The following DHRSX variants were observed in gnomAD, a reference collection of about 807,000 sequenced individuals.
DHRSX encodes polyprenol dehydrogenase.
DHRSX carries 31 observed loss-of-function variants against 34.0 expected under a neutral mutation model. The ratio of observed to expected loss-of-function variants is 0.91; its 90% CI spans 0.69 to 1.23. The LOEUF (loss-of-function observed/expected upper bound fraction) is 1.23, where lower values mean the gene tolerates loss of function less well. Among genes scored for constraint, DHRSX ranks in the 50% most tolerant of loss-of-function variants. The pLI is 0.00. For missense variants in DHRSX, 414 were observed against 428.1 expected (o/e 0.97, Z 0.29); for synonymous variants, 201 against 183.8 (o/e 1.09, Z -0.76).
At chrX:2,288,360 C>T (rs1397963355) in intron 4 of DHRSX, among the ~76,000 whole-genome samples, 2 of 152,068 alleles carry the variant, frequency 1.3e-5, no homozygotes, top group African/African-American at 2.4e-5. Flanking sequence ...CTCAGCCTCC[C>T]GAGTAGCTGG....
chrX:2,296,344 G>A (rs2041931253), intron 3 of DHRSX, among the ~76,000 whole-genome samples: 1 of 152,188 alleles, frequency 6.6e-6, no homozygotes, highest in African/African-American at 2.4e-5. Flanking sequence ...CCCAGAGGGA[G>A]GGGAGGGAAG....
intron 3 of DHRSX, among the ~76,000 whole-genome samples, chrX:2,310,341 C>T: frequency 6.6e-6 from 1 of 152,248 alleles, no homozygotes. Context: ...GATTGGTTGT[C>T]ACCCCCTGCG....
chrX:2,413,251 G>T (rs1324842107), intron 2 of DHRSX, among the ~76,000 whole-genome samples: 1 of 152,100 alleles, frequency 6.6e-6, no homozygotes, highest in Admixed American at 6.6e-5. Flanking sequence ...TGCTAGGGGG[G>T]TGGGTTGCTG....
chrX:2,344,864 A>C (rs1225891157), intron 3 of DHRSX, among the ~76,000 whole-genome samples: 1 of 120,376 alleles, frequency 8.3e-6, no homozygotes, highest in East Asian at 2.6e-4. Flanking sequence ...AAAGTATATA[A>C]AAAGAAGCAT....
chrX:2,470,107 G>A (rs1355566055), intron 1 of DHRSX, among the ~76,000 whole-genome samples: 2 of 151,178 alleles, frequency 1.3e-5, no homozygotes, highest in East Asian at 3.9e-4. Context: ...ACATGGATGG[G>A]ACTGGAAGAT....
chrX:2,354,615 C>A (rs1354115139), intron 3 of DHRSX, among the ~76,000 whole-genome samples: 2 of 152,186 alleles, frequency 1.3e-5, no homozygotes, highest in Non-Finnish European at 2.9e-5. Flanking sequence ...GCACCCACCA[C>A]CACGCCTGGC....
At chrX:2,252,388 A>C (rs1005083586) in intron 5 of DHRSX, among the ~76,000 whole-genome samples, 1 of 152,120 alleles carries the variant, frequency 6.6e-6, no homozygotes, top group Admixed American at 6.6e-5. Flanking sequence ...AACTTCTCCA[A>C]TCTCCTCACC....
At chrX:2,307,801 A>C (rs1184200602) in intron 3 of DHRSX, among the ~76,000 whole-genome samples, 1 of 149,182 alleles carries the variant, frequency 6.7e-6, no homozygotes, top group Non-Finnish European at 1.5e-5. Context: ...AAAAAAATAA[A>C]ATAAAAAACA....
At chrX:2,364,455 T>A (rs1041143452) in intron 3 of DHRSX, among the ~76,000 whole-genome samples, 6 of 152,198 alleles carry the variant, frequency 3.9e-5, no homozygotes, top group Non-Finnish European at 1.5e-5. Flanking sequence ...ACAGATTGTA[T>A]GCATATGTGA....
At chrX:2,222,353 T>A (rs1437270678) in intron 6 of DHRSX, among the ~76,000 whole-genome samples, 1 of 152,232 alleles carries the variant, frequency 6.6e-6, no homozygotes, top group Admixed American at 6.5e-5. Context: ...TCCAACCTCC[T>A]AATGACATGG....
intron 2 of DHRSX, among the ~76,000 whole-genome samples, chrX:2,415,493 AC>A (rs1339791481): frequency 7.9e-5 from 12 of 152,054 alleles, no homozygotes; most frequent in Non-Finnish European, 1.3e-4. Context: ...TCTCATCATG[AC>A]CAACCAACTA....
chrX:2,249,484 T>G (rs1384639589), intron 5 of DHRSX, among the ~76,000 whole-genome samples: 1 of 145,258 alleles, frequency 6.9e-6, no homozygotes, highest in Non-Finnish European at 1.5e-5. Context: ...AGACGTGATG[T>G]GAGCCACCAC....
chrX:2,273,146 T>C (rs2041579929), intron 4 of DHRSX, among the ~76,000 whole-genome samples: 1 of 152,042 alleles, frequency 6.6e-6, no homozygotes, highest in African/African-American at 2.4e-5. Context: ...TGAGCCGAGA[T>C]CGCACCACTG....
At chrX:2,351,293 A>G (rs769233553) in intron 3 of DHRSX, among the ~76,000 whole-genome samples, 1 of 152,348 alleles carries the variant, frequency 6.6e-6, no homozygotes, top group African/African-American at 2.4e-5. Context: ...GTTCGGCTAC[A>G]TCGTAACATT....
intron 3 of DHRSX, among the ~76,000 whole-genome samples, chrX:2,378,953 T>C (rs780680652): frequency 1.3e-5 from 2 of 152,274 alleles, no homozygotes; most frequent in Admixed American, 6.5e-5. Context: ...ATTACAGGCG[T>C]GAGCCACCGC....
chrX:2,272,192 C>T (rs67112992), intron 4 of DHRSX, among the ~76,000 whole-genome samples: 71,345 of 151,828 alleles, frequency 0.47, 17,862 homozygotes, highest in Middle Eastern at 0.59. Context: ...TGTGGGTGGA[C>T]GGGAAGCTTT....
At chrX:2,236,679 G>A (rs1303312218) in intron 6 of DHRSX, among the ~76,000 whole-genome samples, 8 of 151,842 alleles carry the variant, frequency 5.3e-5, no homozygotes, top group Non-Finnish European at 5.9e-5. Context: ...TGATCCACCC[G>A]CCTCAGCCTC....
At chrX:2,404,204 C>T (rs1454973561) in intron 3 of DHRSX, among the ~76,000 whole-genome samples, 4 of 152,032 alleles carry the variant, frequency 2.6e-5, no homozygotes, top group East Asian at 1.9e-4. Context: ...TCCAGGGCCC[C>T]GCCCCCACCC....
chrX:2,448,638 A>C (rs1468333547), intron 1 of DHRSX, among the ~76,000 whole-genome samples: 1 of 152,206 alleles, frequency 6.6e-6, no homozygotes, highest in African/African-American at 2.4e-5. Flanking sequence ...AGCTTGATTT[A>C]ATCACCGCAC....
Sources: allele counts gnomAD v4.1 joint callset (sites outside exome capture counted in the v4.1 genomes callset), GRCh38; gene constraint gnomAD v4.1.1; transcripts MANE v1.5; gene names NCBI Gene and HGNC (gene_info 2026-07-23, HGNC 2026-07-21).